UNC5D: variants seen among roughly 807,000 people sequenced by gnomAD.
The protein encoded by UNC5D is netrin receptor UNC5D.
UNC5D carries 39 observed loss-of-function variants against 105.4 expected under a neutral mutation model. The observed-to-expected ratio is 0.37, with a 90% CI of 0.29 to 0.48. UNC5D has a LOEUF of 0.48. Ranked by LOEUF, UNC5D falls within the 20% of genes least tolerant of loss-of-function variation. The pLI is 0.98. For missense variants in UNC5D, 991 were observed against 1,202.4 expected, an observed-to-expected ratio of 0.82 and a Z score of 2.60; for synonymous variants, 452 against 450.4, an observed-to-expected ratio of 1.00 and a Z score of -0.04.
At chr8:35,351,648 T>C (rs1250786481) in intron 1 of UNC5D, among the ~76,000 whole-genome samples, 1 of 152,022 alleles carries the variant, frequency 6.6e-6, no homozygotes, top group Non-Finnish European at 1.5e-5. Flanking sequence ...GCATTAAATA[T>C]TTGCCACCTT....
intron 1 of UNC5D, among the ~76,000 whole-genome samples, chr8:35,488,835 G>C (rs1811003504): frequency 6.6e-6 from 1 of 152,286 alleles, no homozygotes; most frequent in East Asian, 1.9e-4. Context: ...TCACACTTCA[G>C]TTCTCAACCA....
At chr8:35,704,392 G>T (rs1827403558) in intron 7 of UNC5D, among the ~76,000 whole-genome samples, 1 of 152,210 alleles carries the variant, frequency 6.6e-6, no homozygotes, top group Non-Finnish European at 1.5e-5. Context: ...TCAGAATAGA[G>T]CTGTGTTGAT....
intron 3 of UNC5D, among the ~76,000 whole-genome samples, chr8:35,590,546 G>GA (rs974184313): frequency 1.3e-5 from 2 of 151,910 alleles, no homozygotes. Context: ...AAGTGTCTCT[G>GA]AAAAATGCAC....
At chr8:35,422,704 G>A (rs1224538855) in intron 1 of UNC5D, among the ~76,000 whole-genome samples, 1 of 152,146 alleles carries the variant, frequency 6.6e-6, no homozygotes, top group Non-Finnish European at 1.5e-5. Flanking sequence ...TGGAGAAAAG[G>A]ACTATTATCG....
intron 2 of UNC5D, among the ~76,000 whole-genome samples, chr8:35,556,705 A>G (rs981971517): frequency 1.2e-4 from 19 of 152,178 alleles, no homozygotes; most frequent in African/African-American, 4.6e-4. Flanking sequence ...AGTTGATATT[A>G]TCTTTAAAGC....
At chr8:35,616,472 C>T (rs994522868) in intron 4 of UNC5D, among the ~76,000 whole-genome samples, 6 of 152,174 alleles carry the variant, frequency 3.9e-5, no homozygotes, top group African/African-American at 1.2e-4. Context: ...CTGTGATTCC[C>T]GGTCTGAGCT....
At chr8:35,517,526 T>G (rs1476720255) in intron 1 of UNC5D, among the ~76,000 whole-genome samples, 1 of 152,178 alleles carries the variant, frequency 6.6e-6, no homozygotes, top group African/African-American at 2.4e-5. Flanking sequence ...AGAAAAGATT[T>G]AAAAGAGAGA....
At chr8:35,691,495 C>T (rs1013782660) in intron 7 of UNC5D, among the ~76,000 whole-genome samples, 13 of 152,024 alleles carry the variant, frequency 8.6e-5, no homozygotes, top group African/African-American at 3.1e-4. Context: ...ACTTAAAAAT[C>T]AAAAAGTAGG....
At chr8:35,372,246 C>A (rs932733957) in intron 1 of UNC5D, among the ~76,000 whole-genome samples, 1 of 152,108 alleles carries the variant, frequency 6.6e-6, no homozygotes. Flanking sequence ...ACCTCAGCCT[C>A]CCAAGTAGCT....
At chr8:35,360,360 G>C (rs1801794213) in intron 1 of UNC5D, among the ~76,000 whole-genome samples, 1 of 152,176 alleles carries the variant, frequency 6.6e-6, no homozygotes, top group Admixed American at 6.5e-5. Flanking sequence ...GCTTTCATTA[G>C]AGAATCTCTC....
At chr8:35,710,552 T>C (rs988489710) in intron 8 of UNC5D, among the ~76,000 whole-genome samples, 19 of 152,190 alleles carry the variant, frequency 1.2e-4, no homozygotes, top group African/African-American at 4.1e-4. Context: ...TACCATAAAT[T>C]TGGGGCTTGT....
At chr8:35,588,019 T>G (rs1028514703) in intron 3 of UNC5D, among the ~76,000 whole-genome samples, 1 of 143,274 alleles carries the variant, frequency 7.0e-6, no homozygotes, top group Non-Finnish European at 1.5e-5. Flanking sequence ...GTTGCTATTT[T>G]CAGATGGTAA....
At chr8:35,341,352 C>A (rs1253743435) in intron 1 of UNC5D, among the ~76,000 whole-genome samples, 13 of 152,064 alleles carry the variant, frequency 8.5e-5, no homozygotes, top group Admixed American at 7.9e-4. Context: ...GATTTTAATT[C>A]TTGGCTGACC....
chr8:35,247,574 T>A (rs1199513045), intron 1 of UNC5D, among the ~76,000 whole-genome samples: 57 of 108,158 alleles, frequency 5.3e-4, no homozygotes, highest in South Asian at 3.1e-3. Flanking sequence ...TATAAATATG[T>A]ATAAAATATA....
At chr8:35,245,787 T>G (rs764110343) in intron 1 of UNC5D, among the ~76,000 whole-genome samples, 2 of 152,138 alleles carry the variant, frequency 1.3e-5, no homozygotes, top group Non-Finnish European at 1.5e-5. Flanking sequence ...TGATAAGGAC[T>G]GTAATTCATG....
chr8:35,276,455 A>G (rs1177228083), intron 1 of UNC5D, among the ~76,000 whole-genome samples: 5 of 152,216 alleles, frequency 3.3e-5, no homozygotes, highest in Admixed American at 2.6e-4. Flanking sequence ...TTTCCAACAT[A>G]GGCTGAGCAT....
chr8:35,530,003 T>G (rs1440889230), intron 1 of UNC5D, among the ~76,000 whole-genome samples: 58 of 150,568 alleles, frequency 3.9e-4, no homozygotes, highest in Non-Finnish European at 4.5e-4. Context: ...AGGGACAATT[T>G]GACTTCCTCT....
At chr8:35,377,285 G>T (rs896561994) in intron 1 of UNC5D, among the ~76,000 whole-genome samples, 14 of 152,200 alleles carry the variant, frequency 9.2e-5, no homozygotes, top group Admixed American at 3.3e-4. Context: ...ATCCTCTCCT[G>T]GCTCAGCTTT....
intron 8 of UNC5D, among the ~76,000 whole-genome samples, chr8:35,708,934 T>G (rs988196287): frequency 2.0e-5 from 3 of 152,162 alleles, no homozygotes; most frequent in African/African-American, 7.2e-5. Flanking sequence ...TCCCATCTTC[T>G]CTATTTCAGG....
Sources: allele counts gnomAD v4.1 joint callset (sites outside exome capture counted in the v4.1 genomes callset), GRCh38; gene constraint gnomAD v4.1.1; transcripts MANE v1.5; gene names NCBI Gene and HGNC (gene_info 2026-07-23, HGNC 2026-07-21).